The following AKR7A3 variants were observed in gnomAD, a reference collection of about 807,000 sequenced individuals.
AKR7A3 encodes the protein AFB1 aldehyde reductase 2.
Under a neutral mutation model 32.5 loss-of-function variants are expected in AKR7A3, and 37 were observed. The observed-to-expected ratio is 1.14, with a 90% CI of 0.88 to 1.50. AKR7A3 has a LOEUF of 1.50. Ranked by LOEUF, AKR7A3 falls within the 40% of genes most tolerant of loss-of-function variation. The pLI, the probability that AKR7A3 is intolerant of heterozygous loss-of-function variation, is 0.00. For synonymous variants in AKR7A3, 177 were observed against 188.4 expected (o/e 0.94, Z 0.50); for missense variants, 412 against 453.2 (o/e 0.91, Z 0.83).
In AKR7A3 at chr1:19,284,771, C is replaced by T. The variant is rs763580177; in HGVS notation, c.619G>A (p.Gly207Ser). The change falls in exon 5 of 7, where the codon GGC (glycine) becomes AGC (serine). Residue 207 changes from glycine (G) to serine (S), a missense_variant. Transcript: ENST00000361640. ...TTCTTGTCCTCATACTTGTACTTGC[C>T]GGTCAGCAGGCCCCCTGAGGGAAAG... ...FNPLAGGLLT[G>S]KYKYEDKNGK... 36 of 1,613,802 alleles carry T rather than the reference C, an allele frequency of 2.2e-5. No homozygotes were observed. Among genetic ancestry groups the T allele is most frequent in the East Asian group, 8.9e-5 (4 of 44,896 alleles).
At chr1:19,285,661 GGGAA>G (rs1246891824) in intron 3 of AKR7A3, among the ~76,000 whole-genome samples, 49 of 151,724 alleles carry the variant, frequency 3.2e-4, no homozygotes, top group Admixed American at 1.2e-3. Context: ...GGGGAAGGTA[GGGAA>G]GGAAGGGTCC....
At chr1:19,287,425 T>C (rs1441810793) in intron 1 of AKR7A3, among the ~76,000 whole-genome samples, 3 of 151,682 alleles carry the variant, frequency 2.0e-5, no homozygotes, top group Non-Finnish European at 4.4e-5. Context: ...GGATCTACCA[T>C]GTGGTGAATC....
intron 6 of AKR7A3, 100 bp from the exon 7 acceptor site, chr1:19,282,992 T>A: frequency 6.9e-7 from 1 of 1,455,578 alleles, no homozygotes; most frequent in Admixed American, 1.7e-5. Flanking sequence ...GGATCTCTTG[T>A]ATCCCATATG....
chr1:19,276,556 C>T, the AKR7A3 span, among the ~76,000 whole-genome samples: 1 of 151,096 alleles, frequency 6.6e-6, no homozygotes, highest in African/African-American at 2.4e-5. Context: ...AATCCCAGCA[C>T]TTTGAGATGC....
At chr1:19,284,238 T>G in intron 5 of AKR7A3, 113 bp from the exon 6 acceptor site, 4 of 1,418,146 alleles carry the variant, frequency 2.8e-6, no homozygotes, top group Non-Finnish European at 3.8e-6. Context: ...GGGGCAGGTG[T>G]TCTCTCTAGC....
intron 3 of AKR7A3, among the ~76,000 whole-genome samples, 180 bp downstream of exon 3, chr1:19,285,708 G>A (rs1450295468): frequency 4.6e-5 from 7 of 151,598 alleles, no homozygotes; most frequent in South Asian, 4.1e-4. Flanking sequence ...GGAAGCAGAT[G>A]CCCAGTGGCC....
chr1:19,282,640 A>G lies in AKR7A3; in HGVS notation c.*91T>C, dbSNP rs1332493907. The G allele has an allele frequency of 1.9e-6, 3 of 1,590,488 alleles. No individual in the cohort carries two copies. The highest frequency in any genetic ancestry group is 4.5e-5 in the East Asian group (2 of 44,076). ...TTTTTGTCCAAATACTTCCATCCCT[A>G]AGAATTTACTGAGGCAGTTCTAAAT... On this transcript the variant is annotated 3_prime_UTR_variant, in exon 7 of 7. Transcript: ENST00000361640.
In AKR7A3 at chr1:19,284,179, C is replaced by A; in HGVS notation, c.705-54G>T. The A allele has an allele frequency of 5.1e-6, 8 of 1,567,136 alleles. No individual in the cohort carries two copies. In the South Asian group the frequency reaches 7.2e-5, roughly 14 times the overall value. ...TCAGGGCCACATTGGGAGCCACAAC[C>A]AAAGAGCCAACCAGGGCCACTGTCC... On this transcript the variant is annotated intron_variant, in intron 5 of 6. Coordinates refer to ENST00000361640, the MANE Select transcript of AKR7A3 (RefSeq NM_012067.3).
At chr1:19,284,886 C>A (rs1001689945) in intron 4 of AKR7A3, 101 bp from the exon 5 acceptor site, 1 of 1,568,402 alleles carries the variant, frequency 6.4e-7, no homozygotes. Flanking sequence ...CCCAGGAGGG[C>A]TGAAGATGCA....
downstream of AKR7A3, among the ~76,000 whole-genome samples, chr1:19,279,275 C>T (rs956249038): frequency 4.6e-5 from 7 of 151,736 alleles, no homozygotes; most frequent in Admixed American, 2.6e-4. Flanking sequence ...TTTTAACAGC[C>T]GAATAATAGT....
At chr1:19,279,805 T>C (rs1451239217), downstream of AKR7A3, among the ~76,000 whole-genome samples, 1 of 151,950 alleles carries the variant, frequency 6.6e-6, no homozygotes, top group African/African-American at 2.4e-5. Flanking sequence ...AAGAGTTCTT[T>C]ATATAATTCA....
At position 19,286,362 on chromosome 1, in the gene AKR7A3, A is replaced by G. The variant is rs1356696510; in HGVS notation, c.225T>C (p.Asp75=). The change falls in exon 2 of 7, where the codon GAT becomes GAC. Residue 75 remains aspartate (D), a synonymous_variant. Coordinates refer to ENST00000361640, the MANE Select transcript of AKR7A3 (RefSeq NM_012067.3). ...TCCCAAACAGTGGAATGGCCTTGGTATCAATTTTCACTGAGAGGAAAGAGA... is the reference window on the plus strand; with the variant it reads ...TCCCAAACAGTGGAATGGCCTTGGTGTCAATTTTCACTGAGAGGAAAGAGA... ...LGGSDCRVKI[D]TKAIPLFGNS... 17 of 1,613,538 alleles carry G rather than the reference A, an allele frequency of 1.1e-5. No homozygotes were observed. Among genetic ancestry groups the G allele is most frequent in the Non-Finnish European group, 1.3e-5 (15 of 1,179,890 alleles).
chr1:19,283,953 C>T (rs1293458763), intron 6 of AKR7A3, 43 bp downstream of exon 6: 1 of 1,610,894 alleles, frequency 6.2e-7, no homozygotes, highest in Admixed American at 1.7e-5. Context: ...ATTGCTGGTT[C>T]CCCTGGAAGG....
In AKR7A3 at chr1:19,282,587, T is replaced by C; in HGVS notation, c.*144A>G. 7.2e-7 allele frequency: 1 copy of C among 1,383,750 alleles called. No individual in the cohort carries two copies. Among genetic ancestry groups the C allele is most frequent in the Non-Finnish European group, 9.9e-7 (1 of 1,005,830 alleles). 85.7% of individuals were successfully genotyped at this position (1,383,750 alleles called of 1,614,324 possible). A position where few individuals can be genotyped will look rare whatever the true frequency, so the allele number is the denominator to read the frequency against. On this transcript the variant is annotated 3_prime_UTR_variant, in exon 7 of 7. Transcript: ENST00000361640. ...ACACAGCACCCTGGGAGTTTTATTC[T>C]TCATTTGGTGGTGACTCTTCTATTA... is the stretch of plus-strand genomic sequence containing the variant.
chr1:19,278,584 C>CA (rs139665869), downstream of AKR7A3, among the ~76,000 whole-genome samples: 4,160 of 151,446 alleles, frequency 0.027, 67 homozygotes, highest in South Asian at 0.05. Context: ...ACAACAAAAA[C>CA]AAAAACAAAA....
chr1:19,284,824 C>T (rs2093726366), intron 4 of AKR7A3, 39 bp from the exon 5 acceptor site: 1 of 1,605,240 alleles, frequency 6.2e-7, no homozygotes, highest in East Asian at 2.2e-5. Context: ...GCCTAGAGTG[C>T]CCCAGAAGCT....
Position 19,288,692 on chromosome 1 carries a change from C to T in AKR7A3, c.18G>A (p.Ser6=), listed in dbSNP as rs1408453024. The part of the protein sequence containing the change: MSRQL[S]RARPATVLGA... ...CCAGCACCGTGGCTGGCCGGGCCCG[C>T]GACAGCTGCCGGGACATGACGGCGG... The change falls in exon 1 of 7, where the codon TCG becomes TCA. Residue 6 remains serine (S), a synonymous_variant. Coordinates refer to ENST00000361640, the MANE Select transcript of AKR7A3 (RefSeq NM_012067.3). The T allele has an allele frequency of 6.6e-7, 1 of 1,508,574 alleles. No homozygotes were observed. Among genetic ancestry groups the T allele is most frequent in the Admixed American group, 2.1e-5 (1 of 47,974 alleles). 93.4% of individuals were successfully genotyped at this position (1,508,574 alleles called of 1,614,324 possible).
chr1:19,285,731 T>C (rs1366689362), intron 3 of AKR7A3, among the ~76,000 whole-genome samples, 157 bp downstream of exon 3: 1 of 151,538 alleles, frequency 6.6e-6, no homozygotes, highest in Non-Finnish European at 1.5e-5. Flanking sequence ...CCTGAGGAGC[T>C]TGAATGGCAT....
chr1:19,278,534 C>G (rs1026011410), downstream of AKR7A3, among the ~76,000 whole-genome samples: 1 of 151,700 alleles, frequency 6.6e-6, no homozygotes, highest in African/African-American at 2.4e-5. Flanking sequence ...GCACTCCAGC[C>G]TGGGCCACAG....
Sources: allele counts gnomAD v4.1 joint callset (sites outside exome capture counted in the v4.1 genomes callset), GRCh38; gene constraint gnomAD v4.1.1; transcripts MANE v1.5; gene names NCBI Gene and HGNC (gene_info 2026-07-23, HGNC 2026-07-21).